CTIF: variants seen among roughly 807,000 people sequenced by gnomAD.
CTIF encodes cap binding complex dependent translation initiation factor, also known as CBP80/20-dependent translation initiation factor.
Under a neutral mutation model 66.0 loss-of-function variants are expected in CTIF, and 21 were observed. The ratio of observed to expected loss-of-function variants is 0.32; its 90% CI spans 0.23 to 0.46. CTIF has a LOEUF of 0.46. CTIF is among the 20% of genes least tolerant of loss of function. The pLI is 1.00. For synonymous variants in CTIF, 345 were observed against 326.4 expected, an observed-to-expected ratio of 1.06 and a Z score of -0.62; for missense variants, 739 against 812.7, an observed-to-expected ratio of 0.91 and a Z score of 1.10.
chr18:48,561,343 C>T (rs2089158939), intron 1 of CTIF, among the ~76,000 whole-genome samples: 1 of 151,020 alleles, frequency 6.6e-6, no homozygotes, highest in African/African-American at 2.4e-5. Context: ...TATGCTAATT[C>T]TTTAAAAGTG....
At chr18:48,846,303 T>C (rs2069070327) in intron 10 of CTIF, among the ~76,000 whole-genome samples, 1 of 152,262 alleles carries the variant, frequency 6.6e-6, no homozygotes, top group South Asian at 2.1e-4. Context: ...TATTCCTTCT[T>C]ATGCTGCAAT....
intron 3 of CTIF, among the ~76,000 whole-genome samples, chr18:48,645,271 A>G (rs1210333773): frequency 5.5e-5 from 8 of 144,356 alleles, no homozygotes; most frequent in African/African-American, 2.1e-4. Flanking sequence ...ATGCTAATGG[A>G]CACAGGCAAA....
intron 1 of CTIF, among the ~76,000 whole-genome samples, chr18:48,568,929 A>G (rs137873236): frequency 3.7e-4 from 57 of 152,288 alleles, no homozygotes; most frequent in African/African-American, 5.5e-4. Context: ...GGGAGCTTCA[A>G]TTGAAGATGA....
chr18:48,795,062 C>T (rs1043964894), intron 9 of CTIF, among the ~76,000 whole-genome samples: 1 of 152,168 alleles, frequency 6.6e-6, no homozygotes, highest in Admixed American at 6.5e-5. Flanking sequence ...GCCGTAGCTT[C>T]CTGTTAAATA....
chr18:48,613,153 G>A (rs759339306), intron 1 of CTIF, among the ~76,000 whole-genome samples: 9 of 152,144 alleles, frequency 5.9e-5, no homozygotes, highest in African/African-American at 9.7e-5. Context: ...AAAAGGATTG[G>A]CTAAATTGAT....
chr18:48,685,379 C>T (rs570635204), intron 6 of CTIF, among the ~76,000 whole-genome samples: 17 of 152,154 alleles, frequency 1.1e-4, no homozygotes, highest in African/African-American at 3.9e-4. Context: ...CATGCCACCA[C>T]GCCCGGCTAA....
intron 1 of CTIF, among the ~76,000 whole-genome samples, chr18:48,545,064 A>G (rs1196518438): frequency 2.6e-5 from 4 of 152,192 alleles, no homozygotes; most frequent in African/African-American, 9.7e-5. Context: ...TCAGGAGCTG[A>G]ATCTTAATGG....
At chr18:48,659,202 T>C (rs946449967) in intron 3 of CTIF, among the ~76,000 whole-genome samples, 1 of 152,120 alleles carries the variant, frequency 6.6e-6, no homozygotes, top group African/African-American at 2.4e-5. Flanking sequence ...AGTTCTTATA[T>C]CAAGTAGAGT....
At chr18:48,788,888 A>G (rs887207377) in intron 9 of CTIF, among the ~76,000 whole-genome samples, 5 of 152,180 alleles carry the variant, frequency 3.3e-5, no homozygotes, top group Admixed American at 2.6e-4. Flanking sequence ...AGGTACTATG[A>G]CATCAGAGTG....
chr18:48,693,957 T>A (rs150328701), intron 6 of CTIF, among the ~76,000 whole-genome samples: 2 of 152,342 alleles, frequency 1.3e-5, no homozygotes, highest in African/African-American at 4.8e-5. Flanking sequence ...CTAACTGCAG[T>A]TTATGCGTTG....
chr18:48,705,410 C>T (rs2092138853), intron 6 of CTIF, among the ~76,000 whole-genome samples: 1 of 152,178 alleles, frequency 6.6e-6, no homozygotes, highest in South Asian at 2.1e-4. Context: ...TATAAGGACA[C>T]CCATCGTTGG....
chr18:48,670,209 T>G (rs2091506556), intron 5 of CTIF, among the ~76,000 whole-genome samples: 1 of 152,054 alleles, frequency 6.6e-6, no homozygotes, highest in African/African-American at 2.4e-5. Flanking sequence ...AAGCATAGAC[T>G]ATCTGAGTGG....
intron 9 of CTIF, among the ~76,000 whole-genome samples, chr18:48,792,348 G>A (rs909081338): frequency 6.6e-6 from 1 of 152,210 alleles, no homozygotes; most frequent in East Asian, 1.9e-4. Flanking sequence ...CGGGATGCTG[G>A]GATCTATAGG....
chr18:48,574,518 G>C (rs1482442722), intron 1 of CTIF, among the ~76,000 whole-genome samples: 1 of 152,130 alleles, frequency 6.6e-6, no homozygotes, highest in African/African-American at 2.4e-5. Context: ...AAAAGGTCAG[G>C]GCATCTCTGT....
chr18:48,708,230 C>G (rs774582029), intron 6 of CTIF, among the ~76,000 whole-genome samples: 13 of 152,232 alleles, frequency 8.5e-5, no homozygotes, highest in Non-Finnish European at 1.3e-4. Flanking sequence ...CTCTGCCAAC[C>G]TGCATGAGCT....
At chr18:48,715,901 T>C (rs1475627521) in intron 7 of CTIF, among the ~76,000 whole-genome samples, 1 of 152,174 alleles carries the variant, frequency 6.6e-6, no homozygotes, top group East Asian at 1.9e-4. Flanking sequence ...GCTGACTCTT[T>C]AAGAGCTGTC....
intron 2 of CTIF, among the ~76,000 whole-genome samples, chr18:48,633,659 G>A (rs1014517972): frequency 1.3e-5 from 2 of 151,530 alleles, no homozygotes; most frequent in East Asian, 1.9e-4. Context: ...CCAAGATTGC[G>A]CCACTGCACT....
At chr18:48,835,232 T>C (rs1474280105) in intron 10 of CTIF, among the ~76,000 whole-genome samples, 1 of 152,180 alleles carries the variant, frequency 6.6e-6, no homozygotes. Flanking sequence ...TATGGTGTCT[T>C]TATTGGCCAT....
chr18:48,770,749 G>T (rs28651212), intron 9 of CTIF, among the ~76,000 whole-genome samples: 21,095 of 152,258 alleles, frequency 0.14, 1,566 homozygotes, highest in Non-Finnish European at 0.17. Context: ...CCTCGATGCT[G>T]ATCTTGAGCA....
Sources: gnomAD v4.1 joint callset for allele counts (sites outside exome capture counted in the v4.1 genomes callset) on GRCh38, gnomAD v4.1.1 for gene constraint, MANE v1.5 for transcripts, NCBI Gene and HGNC (gene_info 2026-07-23, HGNC 2026-07-21) for gene names.